The following ADCY8 variants were observed in gnomAD, a reference collection of about 807,000 sequenced individuals.
ADCY8 encodes adenylate cyclase 8.
A neutral mutation model predicts 119.7 loss-of-function variants in ADCY8; 51 were observed. The ratio of observed to expected loss-of-function variants is 0.43; its 90% CI spans 0.34 to 0.54. The LOEUF (loss-of-function observed/expected upper bound fraction) is 0.54. ADCY8 is among the 20% of genes least tolerant of loss of function. The probability of loss-of-function intolerance (pLI) is 0.03; values close to 1 mark genes in which losing one functional copy is unlikely to be tolerated. For missense variants in ADCY8, 1,383 were observed against 1,598.8 expected, an observed-to-expected ratio of 0.87 and a Z score of 2.30; for synonymous variants, 665 against 651.0, an observed-to-expected ratio of 1.02 and a Z score of -0.33.
At chr8:130,925,602 C>A (rs1352310047) in intron 5 of ADCY8, among the ~76,000 whole-genome samples, 1 of 152,046 alleles carries the variant, frequency 6.6e-6, no homozygotes, top group Non-Finnish European at 1.5e-5. Flanking sequence ...TTCTATGTCA[C>A]CTTACAGTAC....
At position 131,026,621 on chromosome 8, in the gene ADCY8, T is replaced by C. The variant is rs116008751; in HGVS notation, c.960+12753A>G. Among the ~76,000 whole-genome samples, 634 of 152,094 alleles carry C rather than the reference T, an allele frequency of 4.2e-3. 4 individuals are homozygous for C. Among genetic ancestry groups the C allele is most frequent in the African/African-American group, 0.015 (607 of 41,510 alleles). Reference sequence around the variant, plus strand: ...CTTGTCAGAAACACAGAACCTAGGGTCCTCCTCCTAAATCCAAATTTTGTC... The same window carrying C: ...CTTGTCAGAAACACAGAACCTAGGGCCCTCCTCCTAAATCCAAATTTTGTC... On this transcript the variant is annotated intron_variant, in intron 1 of 17. Transcript: ENST00000286355.
chr8:130,785,343 C>A lies in ADCY8; in HGVS notation c.3153+40G>T, dbSNP rs17225958. The A allele has an allele frequency of 8.2e-3, 11,715 of 1,434,568 alleles. 113 individuals carry two copies. The highest frequency in any genetic ancestry group is 8.4e-3 in the Non-Finnish European group (8,788 of 1,046,618). The allele number at this position is 1,434,568 out of a possible 1,614,324, so 88.9% of individuals were successfully genotyped here. ...CGTCGGTGACATGACAACAGCAAGA[C>A]CCCACCATGCATTGTGGCTGAGTCC... On this transcript the variant is annotated intron_variant, in intron 16 of 17. Transcript: ENST00000286355.
At chr8:130,919,608 C>A (rs1820240733) in intron 5 of ADCY8, among the ~76,000 whole-genome samples, 1 of 152,196 alleles carries the variant, frequency 6.6e-6, no homozygotes, top group Non-Finnish European at 1.5e-5. Flanking sequence ...TGAGTTCAAG[C>A]TTCCAACTTG....
chr8:130,967,980 A>G (rs932524587), intron 2 of ADCY8, among the ~76,000 whole-genome samples: 8 of 152,250 alleles, frequency 5.3e-5, no homozygotes, highest in Non-Finnish European at 1.0e-4. Context: ...TAAAATAATA[A>G]TAGCTCCCTT....
chr8:130,952,092 A>T, intron 2 of ADCY8, 94 bp from the exon 3 acceptor site: 1 of 1,453,120 alleles, frequency 6.9e-7, no homozygotes. Context: ...CTTTTGGATG[A>T]ACTCCCTTTG....
At chr8:130,907,225 T>C (rs949907938) in intron 6 of ADCY8, among the ~76,000 whole-genome samples, 1 of 152,072 alleles carries the variant, frequency 6.6e-6, no homozygotes, top group African/African-American at 2.4e-5. Flanking sequence ...ATGCCAGACA[T>C]ACTGAACCAG....
At chr8:130,865,567 A>G (rs1008029833) in intron 9 of ADCY8, among the ~76,000 whole-genome samples, 3 of 152,166 alleles carry the variant, frequency 2.0e-5, no homozygotes, top group Non-Finnish European at 2.9e-5. Context: ...TTATAATAGT[A>G]TAGTATTGCC....
chr8:130,887,661 G>A (rs1284931409), intron 7 of ADCY8, among the ~76,000 whole-genome samples: 1 of 152,072 alleles, frequency 6.6e-6, no homozygotes, highest in African/African-American at 2.4e-5. Flanking sequence ...AAGAAGGCAA[G>A]CAAATTGAAA....
At chr8:131,003,206 TCACACACACACACA>T (rs1554624274) in intron 1 of ADCY8, among the ~76,000 whole-genome samples, 1 of 137,488 alleles carries the variant, frequency 7.3e-6, no homozygotes, top group South Asian at 2.4e-4. Flanking sequence ...TGAAACACCA[TCACACACACACACA>T]CACACACACA....
intron 1 of ADCY8, among the ~76,000 whole-genome samples, chr8:131,008,941 A>T (rs571739529): frequency 9.9e-5 from 15 of 152,130 alleles, no homozygotes; most frequent in Non-Finnish European, 1.9e-4. Flanking sequence ...AGATCTGTGG[A>T]ACTTTGAACT....
At chr8:130,897,416 T>G (rs1191743434) in intron 7 of ADCY8, among the ~76,000 whole-genome samples, 2 of 152,028 alleles carry the variant, frequency 1.3e-5, no homozygotes, top group African/African-American at 2.4e-5. Context: ...GGTATCAACA[T>G]TTGCCAACTC....
intron 1 of ADCY8, among the ~76,000 whole-genome samples, chr8:130,997,698 T>C (rs1822822686): frequency 6.6e-6 from 1 of 152,234 alleles, no homozygotes; most frequent in South Asian, 2.1e-4. Flanking sequence ...CCTGAACTGT[T>C]CAATTATTAC....
intron 11 of ADCY8, among the ~76,000 whole-genome samples, chr8:130,841,094 G>A (rs1817126438): frequency 6.6e-6 from 1 of 152,168 alleles, no homozygotes; most frequent in South Asian, 2.1e-4. Context: ...TGAACTCCAG[G>A]TAAGATTGGT....
At chr8:130,854,410 G>A (rs1013574614) in intron 9 of ADCY8, among the ~76,000 whole-genome samples, 1 of 152,196 alleles carries the variant, frequency 6.6e-6, no homozygotes, top group African/African-American at 2.4e-5. Context: ...GACATTTGCT[G>A]GGAAGGCAGG....
rs565547429 is a variant in ADCY8, at chr8:130,852,151, A to G, written c.2211-2348T>C. ...TGGCAGCAGGGGGGATAAGAAATTC[A>G]CAAGGAAAGAGTAACCAAGAATGTC... On this transcript the variant is annotated intron_variant, in intron 9 of 17. Coordinates refer to ENST00000286355, the MANE Select transcript of ADCY8 (RefSeq NM_001115.3). Among the ~76,000 whole-genome samples, 9 of 152,336 alleles carry G rather than the reference A, an allele frequency of 5.9e-5. No individual in the cohort carries two copies. The South Asian group carries it at 1.9e-3, about 32-fold the overall frequency.
At chr8:130,787,212 G>T (rs2130055663) in intron 15 of ADCY8, among the ~76,000 whole-genome samples, 1 of 152,168 alleles carries the variant, frequency 6.6e-6, no homozygotes, top group Non-Finnish European at 1.5e-5. Context: ...TTTGGATTTT[G>T]GAAAGTTCAT....
chr8:130,903,837 C>A lies in ADCY8; in HGVS notation c.1846G>T (p.Ala616Ser), dbSNP rs752997636. 2.5e-6 allele frequency: 4 copies of A among 1,613,698 alleles called. No homozygotes were observed. Among genetic ancestry groups the A allele is most frequent in the Non-Finnish European group, 3.4e-6 (4 of 1,180,004 alleles). ...CTCCAGGATCCTTCAGTGAATGTGG[C>A]CCCACTGTTTCTCCGGTCTGAGGAG... ...VSSSDRRNSGATFTEGSWSPE... is the reference protein window; with the variant it reads ...VSSSDRRNSGSTFTEGSWSPE... Residue 616 changes from alanine to serine, a missense_variant, in exon 7 of 18, where the codon GCC (alanine) becomes TCC (serine). By Grantham distance (99) the Ala-to-Ser change is moderately conservative. Coordinates refer to ENST00000286355, the MANE Select transcript of ADCY8 (RefSeq NM_001115.3).
At chr8:130,980,962 G>T (rs1031105144) in intron 2 of ADCY8, among the ~76,000 whole-genome samples, 1 of 152,162 alleles carries the variant, frequency 6.6e-6, no homozygotes, top group Non-Finnish European at 1.5e-5. Context: ...TAGCTAGCTG[G>T]TTCTTTCAAG....
chr8:130,854,818 C>T (rs1486851824), intron 9 of ADCY8, among the ~76,000 whole-genome samples: 7 of 110,436 alleles, frequency 6.3e-5, no homozygotes, highest in Admixed American at 6.2e-4. Flanking sequence ...TCCCTCCCTC[C>T]CTCCCTCCCT....
Sources: allele counts gnomAD v4.1 joint callset (sites outside exome capture counted in the v4.1 genomes callset), GRCh38; gene constraint gnomAD v4.1.1; transcripts MANE v1.5; gene names NCBI Gene and HGNC (gene_info 2026-07-23, HGNC 2026-07-21).